TTC39A: variants seen among roughly 807,000 people sequenced by gnomAD.
The protein encoded by TTC39A is tetratricopeptide repeat protein 39A.
TTC39A carries 46 observed loss-of-function variants against 82.3 expected under a neutral mutation model. That is an observed-to-expected ratio of 0.56 (90% CI 0.44 to 0.71). The LOEUF is 0.71. Ranked by LOEUF, TTC39A falls within the 30% of genes least tolerant of loss-of-function variation. The pLI, the probability that TTC39A is intolerant of heterozygous loss-of-function variation, is 0.00. For missense variants in TTC39A, 543 were observed against 712.9 expected (o/e 0.76, Z 2.71); for synonymous variants, 254 against 275.2 (o/e 0.92, Z 0.76).
intron 3 of TTC39A, among the ~76,000 whole-genome samples, 186 bp downstream of exon 3, chr1:51,312,626 C>A (rs1215331421): frequency 2.0e-5 from 3 of 152,220 alleles, no homozygotes; most frequent in Admixed American, 1.3e-4. Context: ...AAAAGCTGCC[C>A]AGTGACTGGC....
chr1:51,303,231 G>GC (rs1389981660), intron 8 of TTC39A, 39 bp from the exon 9 acceptor site: 2 of 1,519,018 alleles, frequency 1.3e-6, no homozygotes, highest in Admixed American at 4.0e-5. Flanking sequence ...CCCAGAGAGG[G>GC]CAGGGGCCTG....
intron 1 of TTC39A, chr1:51,344,840 T>C: frequency 1.0e-6 from 1 of 991,336 alleles, no homozygotes; most frequent in Non-Finnish European, 1.4e-6. Context: ...GCGCTGCCCC[T>C]CTCGGGCCTC....
chr1:51,301,872 GC>G, intron 11 of TTC39A, 139 bp from the exon 12 acceptor site: 1 of 1,239,528 alleles, frequency 8.1e-7, no homozygotes, highest in Non-Finnish European at 1.1e-6. Context: ...CTCAGGTGGG[GC>G]CCCAGGAGCC....
chr1:51,343,686 G>C (rs923328532), intron 1 of TTC39A, among the ~76,000 whole-genome samples: 2 of 152,190 alleles, frequency 1.3e-5, no homozygotes, highest in African/African-American at 4.8e-5. Context: ...TACAGTGCTG[G>C]CCCAGCACAC....
At chr1:51,290,225 G>T in intron 15 of TTC39A, 106 bp from the exon 16 acceptor site, 2 of 1,007,208 alleles carry the variant, frequency 2.0e-6, no homozygotes, top group East Asian at 2.6e-5. Context: ...AGGTAAATCA[G>T]ACACAGTCCC....
At chr1:51,309,610 C>T (rs552477016) in intron 5 of TTC39A, among the ~76,000 whole-genome samples, 17 of 152,222 alleles carry the variant, frequency 1.1e-4, no homozygotes, top group Admixed American at 9.8e-4. Context: ...GGAGGGACTG[C>T]GAGAAAGGAG....
At chr1:51,313,002 C>T in intron 2 of TTC39A, 59 bp from the exon 3 acceptor site, 2 of 1,577,072 alleles carry the variant, frequency 1.3e-6, no homozygotes, top group Non-Finnish European at 1.7e-6. Context: ...GGCAGCTGGT[C>T]CTGGGCAGCT....
chr1:51,316,442 GTC>G (rs1485218809), intron 2 of TTC39A, among the ~76,000 whole-genome samples: 2 of 152,038 alleles, frequency 1.3e-5, no homozygotes, highest in Admixed American at 1.3e-4. Flanking sequence ...CCTCATACCA[GTC>G]TCTCTCTTTC....
chr1:51,313,857 A>G (rs1645184148), intron 2 of TTC39A, among the ~76,000 whole-genome samples: 1 of 152,220 alleles, frequency 6.6e-6, no homozygotes, highest in Non-Finnish European at 1.5e-5. Context: ...AATTTTTTTA[A>G]AAAAGAAAGA....
At chr1:51,344,677 C>G (rs1294651160) in intron 1 of TTC39A, among the ~76,000 whole-genome samples, 2 of 152,256 alleles carry the variant, frequency 1.3e-5, no homozygotes, top group African/African-American at 4.8e-5. Context: ...CTGCCCAAAC[C>G]TGACCGCCAG....
In TTC39A at chr1:51,288,332, C is replaced by G. The variant is rs1644066652; in HGVS notation, c.1611-52G>C. 5 of 1,611,610 alleles carry G rather than the reference C, an allele frequency of 3.1e-6. No homozygotes were observed. Among genetic ancestry groups the G allele is most frequent in the Non-Finnish European group, 4.2e-6 (5 of 1,178,590 alleles). ...ATGAGGCTGCCTGCTCCCAGAGATG[C>G]TTTTCCTCCTGTTTGAGCTGTATGA... On this transcript the variant is annotated intron_variant, in intron 17 of 17. Coordinates refer to ENST00000680483, the MANE Select transcript of TTC39A (RefSeq NM_001297663.2). The surrounding 1 kb of genome is among the most constrained non-coding windows in gnomAD (Gnocchi z 4.8).
chr1:51,334,753 A>G (rs1402553305), upstream of TTC39A: 1 of 152,198 alleles, frequency 6.6e-6, no homozygotes, highest in Non-Finnish European at 1.5e-5. Context: ...CATTTCACAG[A>G]TGAAAAATGA....
At chr1:51,302,443 G>C (rs1644707847) in intron 10 of TTC39A, 27 bp from the exon 11 acceptor site, 1 of 1,607,020 alleles carries the variant, frequency 6.2e-7, no homozygotes, top group Non-Finnish European at 8.5e-7. Context: ...GTAAGTCCGT[G>C]TGGGTCCGTG....
intron 2 of TTC39A, among the ~76,000 whole-genome samples, chr1:51,315,087 G>T (rs1645234990): frequency 6.6e-6 from 1 of 151,930 alleles, no homozygotes; most frequent in Non-Finnish European, 1.5e-5. Context: ...CCCACTGCAG[G>T]TCTGAGGCCC....
chr1:51,306,416 G>A (rs1449598666), intron 6 of TTC39A, among the ~76,000 whole-genome samples: 1 of 152,194 alleles, frequency 6.6e-6, no homozygotes, highest in Non-Finnish European at 1.5e-5. Context: ...GGGGTGGCAG[G>A]GGAGCTGTTC....
intron 12 of TTC39A, chr1:51,297,689 T>TAGGG (rs1644493817): frequency 1.3e-5 from 2 of 152,490 alleles, no homozygotes. Flanking sequence ...ACCGTCTCCC[T>TAGGG]GTTCCAGGCT....
chr1:51,324,084 T>A (rs1645623453), intron 1 of TTC39A, among the ~76,000 whole-genome samples: 1 of 152,184 alleles, frequency 6.6e-6, no homozygotes, highest in African/African-American at 2.4e-5. Flanking sequence ...AGTTTATGGT[T>A]TCCAGGACCA....
At chr1:51,330,710 G>A, upstream of TTC39A, 1 of 848,590 alleles carries the variant, frequency 1.2e-6, no homozygotes, top group Non-Finnish European at 1.4e-6. This position sits in a 1 kb window ranked among gnomAD's most constrained non-coding sequence, Gnocchi z 4.5. Flanking sequence ...GGTTCTGGGC[G>A]GCCCCCACCC....
intron 2 of TTC39A, 64 bp from the exon 3 acceptor site, chr1:51,313,007 G>A: frequency 6.4e-7 from 1 of 1,572,052 alleles, no homozygotes; most frequent in Non-Finnish European, 8.7e-7. Flanking sequence ...CTGGTCCTGG[G>A]CAGCTCATCT....
Sources: allele counts gnomAD v4.1 joint callset (sites outside exome capture counted in the v4.1 genomes callset), GRCh38; gene constraint gnomAD v4.1.1; non-coding constraint Gnocchi (gnomAD v3.1); transcripts MANE v1.5; gene names NCBI Gene and HGNC (gene_info 2026-07-23, HGNC 2026-07-21).